The following DTD2 variants were observed in gnomAD, a reference collection of about 807,000 sequenced individuals.
The protein encoded by DTD2 is D-aminoacyl-tRNA deacylase 2, also known as D-tyrosyl-tRNA deacylase 2 (putative).
In DTD2, 12 loss-of-function variants were observed where a neutral mutation model predicts 15.5. The ratio of observed to expected loss-of-function variants is 0.77; its 90% confidence interval spans 0.50 to 1.25. The LOEUF (loss-of-function observed/expected upper bound fraction) is 1.25. Ranked by LOEUF, DTD2 falls within the 50% of genes most tolerant of loss-of-function variation. DTD2 has a pLI of 0.00. For synonymous variants in DTD2, 59 were observed against 77.3 expected (o/e 0.76, Z 1.24); for missense variants, 170 against 201.1 (o/e 0.85, Z 0.93).
intron 2 of DTD2, among the ~76,000 whole-genome samples, chr14:31,449,898 A>G (rs1467091508): frequency 6.6e-6 from 1 of 152,214 alleles, no homozygotes; most frequent in East Asian, 1.9e-4. Flanking sequence ...TCTGGTAAAA[A>G]CCTGCCAAGG....
chr14:31,457,179 C>T, intron 1 of DTD2, 104 bp downstream of exon 1: 2 of 1,102,408 alleles, frequency 1.8e-6, no homozygotes, highest in East Asian at 2.8e-5. Context: ...GCGGCCGGAC[C>T]GCCGGTCTCA....
In DTD2 at chr14:31,448,410, T is replaced by A; in HGVS notation, c.226A>T (p.Lys76Ter). The change falls in exon 3 of 3, where the codon AAG becomes TAG. Residue 76 changes from lysine (K) to a stop codon, truncating the protein, a stop_gained. Coordinates refer to ENST00000310850, the MANE Select transcript of DTD2 (RefSeq NM_080664.3). LOFTEE classifies it high-confidence loss of function. The part of the protein sequence containing the change: ...NVKLSETENG[K>*]HVSILDLPGN... ...GGTAGATCCAATATAGAGACATGCT[T>A]GCCATTTTCTGTCTCACTTAATTTC... The A allele has an allele frequency of 6.2e-7, 1 of 1,613,718 alleles. No homozygotes were observed. Among genetic ancestry groups the A allele is most frequent in the Non-Finnish European group, 8.5e-7 (1 of 1,179,870 alleles).
Position 31,447,779 on chromosome 14 carries a change from C to T in DTD2, c.*350G>A, listed in dbSNP as rs1285962416. On this transcript the variant is annotated 3_prime_UTR_variant, in exon 3 of 3. Transcript: ENST00000310850. ...GAGGTTGCAGTGAGCCGAGATTGCGCCACTGCACTCCAGTCTGGCGACAGA... is the reference window on the plus strand; with the variant it reads ...GAGGTTGCAGTGAGCCGAGATTGCGTCACTGCACTCCAGTCTGGCGACAGA... The T allele has an allele frequency of 6.1e-6, 1 of 163,086 alleles. No homozygotes were observed. Among genetic ancestry groups the T allele is most frequent in the African/African-American group, 2.4e-5 (1 of 41,580 alleles). 10.1% of individuals were successfully genotyped at this position (163,086 alleles called of 1,614,324 possible).
chr14:31,449,841 T>C (rs1430892843), intron 2 of DTD2, among the ~76,000 whole-genome samples: 3 of 152,210 alleles, frequency 2.0e-5, no homozygotes, highest in African/African-American at 7.2e-5. Flanking sequence ...AGAGGGTCTG[T>C]AGTAAGTATT....
rs971437749 is a variant in DTD2 at position 31,447,984 on chromosome 14, A to G, written c.*145T>C. On this transcript the variant is annotated 3_prime_UTR_variant, in exon 3 of 3. Coordinates refer to ENST00000310850, the MANE Select transcript of DTD2 (RefSeq NM_080664.3). ...GACTTGGCAAAGTCATCCAATTAGC[A>G]GGTGCAGAGTTATATATGAAACCCA... The G allele has an allele frequency of 2.9e-5, 19 of 645,736 alleles. No individual in the cohort carries two copies. Among genetic ancestry groups the G allele is most frequent in the Non-Finnish European group, 4.1e-5 (16 of 387,418 alleles). 40.0% of individuals were successfully genotyped at this position (645,736 alleles called of 1,614,324 possible).
In DTD2 at chr14:31,447,303, T is replaced by C. The variant is rs878935460; in HGVS notation, c.*826A>G. 6.6e-6 allele frequency: 1 copy of C among 152,062 alleles called. No individual in the cohort carries two copies. Among genetic ancestry groups the C allele is most frequent in the Non-Finnish European group, 1.5e-5 (1 of 68,024 alleles). The allele number at this position is 152,062 out of a possible 1,614,324, so 9.4% of individuals were successfully genotyped here. ...TGGCCCTATATTACATTTTCATGCA[T>C]ATTATTAAAAGAAATGGTGACTTAC... is the stretch of plus-strand genomic sequence containing the variant. On this transcript the variant is annotated 3_prime_UTR_variant, in exon 3 of 3. Transcript: ENST00000310850.
Position 31,447,967 on chromosome 14 carries a change from A to G in DTD2, c.*162T>C. ...AGATCCAGAGTTTAGGTGACTTGGCAAAGTCATCCAATTAGCAGGTGCAGA... is the reference window on the plus strand; with the variant it reads ...AGATCCAGAGTTTAGGTGACTTGGCGAAGTCATCCAATTAGCAGGTGCAGA... On this transcript the variant is annotated 3_prime_UTR_variant, in exon 3 of 3. Coordinates refer to ENST00000310850, the MANE Select transcript of DTD2 (RefSeq NM_080664.3). 1 of 602,568 alleles carries G rather than the reference A, an allele frequency of 1.7e-6. No individual in the cohort carries two copies. The allele number at this position is 602,568 out of a possible 1,614,324, so 37.3% of individuals were successfully genotyped here.
chr14:31,457,324 T>C lies in DTD2; in HGVS notation c.70A>G (p.Ile24Val). 6.3e-7 allele frequency: 1 copy of C among 1,595,340 alleles called. No individual in the cohort carries two copies. Among genetic ancestry groups the C allele is most frequent in the Non-Finnish European group, 8.5e-7 (1 of 1,172,644 alleles). Reference sequence around the variant, plus strand: ...GCGACGTCCCCATCGGCTGGGCGAATTTGCAGCCGGGCGTGCAGGCACTGC... The same window carrying C: ...GCGACGTCCCCATCGGCTGGGCGAACTTGCAGCCGGGCGTGCAGGCACTGC... ...LQQCLHARLQ[I>V]RPADGDVAAQ... is the part of the protein sequence containing the mutation. Residue 24 changes from isoleucine (I) to valine (V), a missense_variant, in exon 1 of 3, where the codon ATT becomes GTT. Transcript: ENST00000310850.
intron 2 of DTD2, among the ~76,000 whole-genome samples, chr14:31,449,929 T>G (rs981154178): frequency 6.6e-6 from 1 of 152,240 alleles, no homozygotes; most frequent in Non-Finnish European, 1.5e-5. Flanking sequence ...AATGAATTCC[T>G]AAGCTAGGCA....
At chr14:31,457,137 C>A (rs1264888500) in intron 1 of DTD2, 146 bp downstream of exon 1, 7 of 717,550 alleles carry the variant, frequency 9.8e-6, no homozygotes, top group Non-Finnish European at 1.6e-5. Context: ...GGCAGGCCAC[C>A]GCGGCCAGCT....
chr14:31,446,053 A>G lies in DTD2; in HGVS notation c.*2076T>C, dbSNP rs2031953588. 6.6e-6 allele frequency: 1 copy of G among 152,236 alleles called. No homozygotes were observed. The highest frequency in any genetic ancestry group is 2.1e-4 in the South Asian group (1 of 4,828). The allele number at this position is 152,236 out of a possible 1,614,324, so 9.4% of individuals were successfully genotyped here. A position where few individuals can be genotyped will look rare whatever the true frequency, so the allele number is the denominator to read the frequency against. On this transcript the variant is annotated 3_prime_UTR_variant, in exon 3 of 3. Transcript: ENST00000310850. ...AACTGGAGTTTGCAAGTTTATGAATAGTTTATTACATTTCAGTAAGTGTAT... is the reference window on the plus strand; with the variant it reads ...AACTGGAGTTTGCAAGTTTATGAATGGTTTATTACATTTCAGTAAGTGTAT...
intron 1 of DTD2, chr14:31,456,957 C>G (rs1050306924): frequency 8.8e-6 from 3 of 339,858 alleles, no homozygotes; most frequent in Admixed American, 1.0e-4. Flanking sequence ...TGCCCCCGAC[C>G]AGCATAGACC....
Position 31,448,366 on chromosome 14 carries a change from GATA to G in DTD2, c.267_269del (p.Ile90del). The G allele has an allele frequency of 1.2e-6, 2 of 1,614,144 alleles. No homozygotes were observed. The highest frequency in any genetic ancestry group is 1.7e-6 in the Non-Finnish European group (2 of 1,179,998). On this transcript the variant is annotated inframe_deletion, in exon 3 of 3. Coordinates refer to ENST00000310850, the MANE Select transcript of DTD2 (RefSeq NM_080664.3). ...GTCTTCCTCCAAGGGTAGCTTGAGGGATAATAAGAATGTTGCCAGGTAGATCCA... is the reference window on the plus strand; with the variant it reads ...GTCTTCCTCCAAGGGTAGCTTGAGGGATAAGAATGTTGCCAGGTAGATCCA...
At chr14:31,451,462 T>TCTC (rs71115010) in intron 2 of DTD2, among the ~76,000 whole-genome samples, 1 of 150,058 alleles carries the variant, frequency 6.7e-6, no homozygotes, top group Non-Finnish European at 1.5e-5. Context: ...TCTCTCTCTC[T>TCTC]TTTTTTTTCT....
At chr14:31,451,045 A>C (rs1187030891) in intron 2 of DTD2, among the ~76,000 whole-genome samples, 1 of 152,212 alleles carries the variant, frequency 6.6e-6, no homozygotes, top group Non-Finnish European at 1.5e-5. Context: ...GATTTAATCC[A>C]AGGCAAAATA....
intron 2 of DTD2, among the ~76,000 whole-genome samples, chr14:31,449,055 G>A (rs79360085): frequency 0.11 from 16,628 of 152,016 alleles, 1,212 homozygotes; most frequent in East Asian, 0.32. Flanking sequence ...CACCACACCC[G>A]GCTAATTTTT....
intron 2 of DTD2, among the ~76,000 whole-genome samples, chr14:31,451,615 C>A (rs1205480597): frequency 6.6e-6 from 1 of 152,192 alleles, no homozygotes; most frequent in Non-Finnish European, 1.5e-5. Flanking sequence ...CATCTTTTGA[C>A]AAAGTTGTCA....
In DTD2 at chr14:31,446,326, T is replaced by C. The variant is rs1158410395; in HGVS notation, c.*1803A>G. 8.1e-6 allele frequency: 1 copy of C among 123,730 alleles called. No homozygotes were observed. Among genetic ancestry groups the C allele is most frequent in the South Asian group, 2.7e-4 (1 of 3,726 alleles). 7.7% of individuals were successfully genotyped at this position (123,730 alleles called of 1,614,324 possible). On this transcript the variant is annotated 3_prime_UTR_variant, in exon 3 of 3. Coordinates refer to ENST00000310850, the MANE Select transcript of DTD2 (RefSeq NM_080664.3). ...CAATTAGAATTAGTTATTTGGTTTT[T>C]ACTCTTAAAAAAAAAAAGTATTTTC... is the stretch of plus-strand genomic sequence containing the variant.
rs189440413 is a variant in DTD2, at chr14:31,457,159, C to G, written c.111+124G>C. The G allele has an allele frequency of 3.0e-4, 274 of 906,572 alleles. 4 individuals are homozygous for G. Among genetic ancestry groups the G allele is most frequent in the South Asian group, 3.0e-3 (197 of 65,502 alleles). The allele number at this position is 906,572 out of a possible 1,614,324, so 56.2% of individuals were successfully genotyped here. ...CACCGCGGCCAGCTTCAAGCTGACC[C>G]GGTATCCCCGCGGCCGGACCGCCGG... On this transcript the variant is annotated intron_variant, in intron 1 of 2. Coordinates refer to ENST00000310850, the MANE Select transcript of DTD2 (RefSeq NM_080664.3).
Sources: allele counts gnomAD v4.1 joint callset (sites outside exome capture counted in the v4.1 genomes callset), GRCh38; gene constraint gnomAD v4.1.1; transcripts MANE v1.5; gene names NCBI Gene and HGNC (gene_info 2026-07-23, HGNC 2026-07-21).